Variants in AMN1 observed in about 807,000 individuals in gnomAD.
The protein encoded by AMN1 is protein AMN1 homolog.
In AMN1, 20 loss-of-function variants were observed where a neutral mutation model predicts 33.0. The ratio of observed to expected loss-of-function variants is 0.61; its 90% CI spans 0.43 to 0.88. The LOEUF (loss-of-function observed/expected upper bound fraction) is 0.88. Ranked by LOEUF, AMN1 falls within the 40% of genes least tolerant of loss-of-function variation. The pLI is 0.00. For missense variants in AMN1, 246 were observed against 307.4 expected, an observed-to-expected ratio of 0.80 and a Z score of 1.49; for synonymous variants, 114 against 111.9, an observed-to-expected ratio of 1.02 and a Z score of -0.12.
chr12:31,685,807 A>AAAGAAAG (rs1938234924), intron 6 of AMN1, among the ~76,000 whole-genome samples: 3 of 146,244 alleles, frequency 2.1e-5, no homozygotes, highest in African/African-American at 7.9e-5. Flanking sequence ...TATCAAAAAA[A>AAAGAAAG]AAAGAAAGAA....
chr12:31,676,201 A>T (rs1349240702), intron 6 of AMN1, among the ~76,000 whole-genome samples: 1 of 151,792 alleles, frequency 6.6e-6, no homozygotes, highest in East Asian at 1.9e-4. Context: ...ACCTAAATAA[A>T]GAAATCCAAA....
At chr12:31,698,303 G>A (rs919949661) in intron 3 of AMN1, among the ~76,000 whole-genome samples, 2 of 152,204 alleles carry the variant, frequency 1.3e-5, no homozygotes, top group Non-Finnish European at 2.9e-5. Context: ...AAATTTTCAA[G>A]TAATCAAATT....
At chr12:31,710,189 A>G (rs1939411632) in intron 1 of AMN1, among the ~76,000 whole-genome samples, 1 of 152,228 alleles carries the variant, frequency 6.6e-6, no homozygotes, top group Admixed American at 6.5e-5. Context: ...CAAATCACAG[A>G]GATATCAAAC....
chr12:31,672,153 G>T lies in AMN1; in HGVS notation c.*151C>A. On this transcript the variant is annotated 3_prime_UTR_variant, in exon 7 of 7. Transcript: ENST00000281471. Reference sequence around the variant, plus strand: ...AAAGCACAAACCATGTATATACCAAGACTTAGCTAATTCTCTGAGAGTTAT... The same window carrying T: ...AAAGCACAAACCATGTATATACCAATACTTAGCTAATTCTCTGAGAGTTAT... 1.6e-6 allele frequency: 1 copy of T among 611,252 alleles called. No individual in the cohort carries two copies. 37.9% of individuals were successfully genotyped at this position (611,252 alleles called of 1,614,324 possible).
intron 2 of AMN1, among the ~76,000 whole-genome samples, chr12:31,704,906 T>C (rs1282049975): frequency 2.6e-5 from 4 of 152,118 alleles, no homozygotes; most frequent in Admixed American, 2.6e-4. Context: ...TAGTAAGAAA[T>C]GTGGATGGTG....
chr12:31,682,563 T>A (rs941602473), intron 6 of AMN1, among the ~76,000 whole-genome samples: 1 of 152,024 alleles, frequency 6.6e-6, no homozygotes, highest in African/African-American at 2.4e-5. Flanking sequence ...CAGCAGTGAT[T>A]TGGGGTCTTT....
At chr12:31,691,285 T>C (rs1938489399) in intron 5 of AMN1, among the ~76,000 whole-genome samples, 1 of 152,052 alleles carries the variant, frequency 6.6e-6, no homozygotes, top group African/African-American at 2.4e-5. Context: ...TATAAAATTA[T>C]ATGTATATAA....
Position 31,689,845 on chromosome 12 carries a change from G to C in AMN1, c.592-727C>G, listed in dbSNP as rs114047236. On this transcript the variant is annotated intron_variant, in intron 5 of 6. Transcript: ENST00000281471. ...CTTTAGTGGTCATTTGTGAGATTTT[G>C]GTGCAACCATCAACCAAGCAGTATA... is the stretch of plus-strand genomic sequence containing the variant. Among the ~76,000 whole-genome samples, 1,467 of 152,158 alleles carry C rather than the reference G, an allele frequency of 9.6e-3. 20 individuals carry two copies. The highest frequency in any genetic ancestry group is 0.033 in the African/African-American group (1,389 of 41,488).
intron 6 of AMN1, 38 bp downstream of exon 6, chr12:31,688,969 A>G: frequency 7.2e-7 from 1 of 1,381,430 alleles, no homozygotes; most frequent in Non-Finnish European, 1.0e-6. Flanking sequence ...GTAAAAGATG[A>G]AGCCAGAATT....
At chr12:31,679,044 C>T (rs906604198) in intron 6 of AMN1, among the ~76,000 whole-genome samples, 3 of 152,158 alleles carry the variant, frequency 2.0e-5, no homozygotes, top group African/African-American at 7.2e-5. Flanking sequence ...CATGGCAGCT[C>T]ACGCCTGTAA....
intron 6 of AMN1, among the ~76,000 whole-genome samples, chr12:31,681,025 C>T (rs1030643706): frequency 6.6e-6 from 1 of 151,924 alleles, no homozygotes; most frequent in Non-Finnish European, 1.5e-5. Context: ...ATGATGTTAG[C>T]AAAAATATAT....
rs1565778193 is a variant in AMN1, at chr12:31,709,386, G to A, written c.78C>T (p.Leu26=). 2 of 1,613,840 alleles carry A rather than the reference G, an allele frequency of 1.2e-6. No homozygotes were observed. Among genetic ancestry groups the A allele is most frequent in the Non-Finnish European group, 1.7e-6 (2 of 1,179,806 alleles). ...WCFMKNISRY[L]TDIKPLPPNI... ...TGGGAGGCAAAGGCTTAATGTCTGT[G>A]AGATATCTGGAAATATTCTTCATGA... Residue 26 remains leucine (L), a synonymous_variant, in exon 2 of 7, where the codon CTC becomes CTT. Transcript: ENST00000281471.
At chr12:31,672,592 GT>G in intron 6 of AMN1, 2 of 351,770 alleles carry the variant, frequency 5.7e-6, no homozygotes, top group Non-Finnish European at 1.0e-5. Context: ...GGTATTACTT[GT>G]TTAAAAAAAA....
Position 31,683,295 on chromosome 12 carries a change from G to A in AMN1, c.703+5712C>T, listed in dbSNP as rs1938112278. 6.6e-6 allele frequency among the ~76,000 whole-genome samples: 1 copy of A among 152,188 alleles called. No individual in the cohort carries two copies. The highest frequency in any genetic ancestry group is 2.1e-4 in the South Asian group (1 of 4,830). On this transcript the variant is annotated intron_variant, in intron 6 of 6. Transcript: ENST00000281471. This position sits in a 1 kb window ranked among gnomAD's most constrained non-coding sequence, Gnocchi z 4.1. ...ATATGCTATTCTTGCTGCAAATGTT[G>A]AAGTTGACTGATAATTTTTCTTTAC...
At chr12:31,728,850 G>T in intron 1 of AMN1, 121 bp downstream of exon 1, 1 of 1,134,872 alleles carries the variant, frequency 8.8e-7, no homozygotes, top group Non-Finnish European at 1.2e-6. Context: ...CACACGCGGG[G>T]CCTCTTCAGA....
intron 5 of AMN1, among the ~76,000 whole-genome samples, chr12:31,693,129 T>C (rs1439788104): frequency 6.6e-6 from 1 of 152,164 alleles, no homozygotes; most frequent in African/African-American, 2.4e-5. Context: ...AGTGCAGTAG[T>C]GCAAACACAG....
chr12:31,711,850 A>C (rs1939477851), intron 1 of AMN1, among the ~76,000 whole-genome samples: 1 of 152,064 alleles, frequency 6.6e-6, no homozygotes, highest in African/African-American at 2.4e-5. Flanking sequence ...ACCTCTCTCT[A>C]TGCCGCCATC....
intron 1 of AMN1, among the ~76,000 whole-genome samples, chr12:31,728,372 A>G (rs1312530895): frequency 1.3e-5 from 2 of 152,188 alleles, no homozygotes; most frequent in Non-Finnish European, 2.9e-5. Flanking sequence ...CATGTTTTAA[A>G]TTTATCCCTC....
intron 1 of AMN1, among the ~76,000 whole-genome samples, chr12:31,726,324 G>T (rs1940068138): frequency 6.6e-6 from 1 of 151,696 alleles, no homozygotes; most frequent in African/African-American, 2.4e-5. Context: ...ACCACGGCCG[G>T]CTAATTTTGT....
Sources: allele counts gnomAD v4.1 joint callset (sites outside exome capture counted in the v4.1 genomes callset), GRCh38; gene constraint gnomAD v4.1.1; non-coding constraint Gnocchi (gnomAD v3.1); transcripts MANE v1.5; gene names NCBI Gene and HGNC (gene_info 2026-07-23, HGNC 2026-07-21).